MID1: variants seen among roughly 807,000 people sequenced by gnomAD.
MID1 encodes the protein E3 ubiquitin-protein ligase Midline-1.
A neutral mutation model predicts 40.4 loss-of-function variants in MID1; 7 were observed. The observed-to-expected ratio is 0.17, with a 90% CI of 0.10 to 0.33. The LOEUF is 0.33. Ranked by LOEUF, MID1 falls within the 10% of genes least tolerant of loss-of-function variation. The pLI, the probability that MID1 is intolerant of heterozygous loss-of-function variation, is 1.00. For synonymous variants in MID1, 229 were observed against 221.2 expected (o/e 1.04, Z -0.31); for missense variants, 367 against 558.5 (o/e 0.66, Z 3.46).
intron 1 of MID1, among the ~76,000 whole-genome samples, chrX:10,770,793 A>G: frequency 8.9e-6 from 1 of 112,007 alleles, no homozygotes; most frequent in Non-Finnish European, 1.9e-5. Flanking sequence ...GTGGCTCAGA[A>G]CTATCTTCCT....
chrX:10,654,389 G>T (rs187272552), intron 1 of MID1, among the ~76,000 whole-genome samples: 1 of 111,725 alleles, frequency 9.0e-6, no homozygotes, highest in African/African-American at 3.3e-5. Flanking sequence ...CCCTTTTGGC[G>T]CCAGGGACCG....
At chrX:10,533,478 A>AG (rs1414884908) in intron 2 of MID1, among the ~76,000 whole-genome samples, 1 of 109,536 alleles carries the variant, frequency 9.1e-6, no homozygotes, top group African/African-American at 3.3e-5. Context: ...ATGGTAAAAA[A>AG]AAAAAAACAG....
chrX:10,449,158 C>T lies in MID1; in HGVS notation c.*210G>A. Reference sequence around the variant, plus strand: ...TAATCTATAGATTTTCCTCTAAATACAAAAAAATTAAAGAAATTATTAAAG... The same window carrying T: ...TAATCTATAGATTTTCCTCTAAATATAAAAAAATTAAAGAAATTATTAAAG... On this transcript the variant is annotated 3_prime_UTR_variant, in exon 10 of 10. Coordinates refer to ENST00000317552, the MANE Select transcript of MID1 (RefSeq NM_000381.4). 1 of 362,123 alleles carries T rather than the reference C, an allele frequency of 2.8e-6. No individual in the cohort carries two copies. The highest frequency in any genetic ancestry group is 4.8e-6 in the Non-Finnish European group (1 of 209,722). The allele number at this position is 362,123 out of a possible 1,213,427, so 29.8% of individuals were successfully genotyped here.
At chrX:10,705,464 C>CA (rs887786258) in intron 1 of MID1, among the ~76,000 whole-genome samples, 3 of 112,106 alleles carry the variant, frequency 2.7e-5, no homozygotes, top group African/African-American at 9.7e-5. Context: ...CATTTTGTTT[C>CA]AAAAGTTCTA....
At chrX:10,491,876 A>G (rs1442977052) in intron 4 of MID1, among the ~76,000 whole-genome samples, 2 of 111,586 alleles carry the variant, frequency 1.8e-5, no homozygotes, top group African/African-American at 6.5e-5. Flanking sequence ...AGGTTTTCCT[A>G]TATACTTTCC....
intron 1 of MID1, among the ~76,000 whole-genome samples, chrX:10,719,035 T>C (rs2043327306): frequency 8.9e-6 from 1 of 111,879 alleles, no homozygotes; most frequent in Non-Finnish European, 1.9e-5. Context: ...TAGGTATTGA[T>C]GGGACGTATC....
chrX:10,483,536 A>G (rs1425663668), intron 4 of MID1, among the ~76,000 whole-genome samples: 6 of 112,251 alleles, frequency 5.3e-5, no homozygotes, highest in Non-Finnish European at 9.4e-5. Flanking sequence ...AGTTAAAATT[A>G]GACAGCTAAT....
intron 3 of MID1, among the ~76,000 whole-genome samples, chrX:10,497,299 C>T (rs774098870): frequency 1.1e-4 from 12 of 112,200 alleles, no homozygotes; most frequent in Non-Finnish European, 1.5e-4. Context: ...AGCTTCTTTG[C>T]TCGACCAAAC....
chrX:10,497,482 T>C (rs1296721884), intron 3 of MID1, among the ~76,000 whole-genome samples: 1 of 111,675 alleles, frequency 9.0e-6, no homozygotes, highest in Non-Finnish European at 1.9e-5. Flanking sequence ...TCTGATCAAC[T>C]TGGCCTACCT....
Position 10,459,390 on chromosome X carries a change from A to G in MID1, c.1447+256T>C, listed in dbSNP as rs1191811438. Among the ~76,000 whole-genome samples, 6 of 112,356 alleles carry G rather than the reference A, an allele frequency of 5.3e-5. No homozygotes were observed. The East Asian group carries it at 1.4e-3, about 26-fold the overall frequency. On this transcript the variant is annotated intron_variant, in intron 8 of 9. Transcript: ENST00000317552. ...GAATGCCTCCAGGAATATTTATTTA[A>G]AAAATGAGAAGACTCAATTTTTTAA...
At chrX:10,639,411 T>G (rs1304268321) in intron 1 of MID1, among the ~76,000 whole-genome samples, 1 of 111,783 alleles carries the variant, frequency 8.9e-6, no homozygotes, top group Non-Finnish European at 1.9e-5. Context: ...AGAAAGGGTA[T>G]CAGTGATTGA....
At chrX:10,463,526 G>A (rs1346987861) in intron 7 of MID1, among the ~76,000 whole-genome samples, 2 of 112,514 alleles carry the variant, frequency 1.8e-5, no homozygotes, top group Non-Finnish European at 3.8e-5. Context: ...ATCATTCAAG[G>A]AAAGCCTTTC....
Position 10,758,585 on chromosome X carries a change from G to A in MID1, c.-187+74969C>T, listed in dbSNP as rs1375202434. 3.0e-5 allele frequency among the ~76,000 whole-genome samples: 3 copies of A among 99,401 alleles called. No individual in the cohort carries two copies. The Admixed American group carries it at 3.4e-4, about 11-fold the overall frequency. 86.3% of individuals were successfully genotyped at this position (99,401 alleles called of 115,157 possible). On this transcript the variant is annotated intron_variant, in intron 1 of 10. Transcript: ENST00000380785. Reference sequence around the variant, plus strand: ...GGCTCACTGCAAGCTCCGCCTCCCAGGTTCATGCCATTCTCCTGCCTCAGC... The same window carrying A: ...GGCTCACTGCAAGCTCCGCCTCCCAAGTTCATGCCATTCTCCTGCCTCAGC...
intron 1 of MID1, among the ~76,000 whole-genome samples, chrX:10,736,546 C>T (rs1182193515): frequency 8.9e-6 from 1 of 112,039 alleles, no homozygotes; most frequent in African/African-American, 3.2e-5. Context: ...TTTTCAAGGT[C>T]ACTAGGCTGT....
chrX:10,683,958 CG>C (rs1412035740), intron 1 of MID1, among the ~76,000 whole-genome samples: 3 of 107,330 alleles, frequency 2.8e-5, no homozygotes, highest in Admixed American at 1.0e-4. Flanking sequence ...TTAGTAGAGA[CG>C]GGGTTTCACC....
At chrX:10,685,877 T>TACACACACAC (rs56245034) in intron 1 of MID1, among the ~76,000 whole-genome samples, 1,230 of 80,463 alleles carry the variant, frequency 0.015, 36 homozygotes, top group African/African-American at 0.052. Context: ...CACATACTCA[T>TACACACACAC]ACACACACAC....
At chrX:10,789,974 C>G (rs1402787356) in intron 1 of MID1, among the ~76,000 whole-genome samples, 1 of 111,052 alleles carries the variant, frequency 9.0e-6, no homozygotes, top group African/African-American at 3.3e-5. Flanking sequence ...CTACCTCATC[C>G]TCTCACCTTG....
intron 1 of MID1, among the ~76,000 whole-genome samples, chrX:10,777,740 C>T (rs1447937735): frequency 9.0e-6 from 1 of 111,013 alleles, no homozygotes; most frequent in East Asian, 2.8e-4. Context: ...GGGGTTTCAC[C>T]ATGTTGGTCA....
At chrX:10,672,102 A>G (rs187755112) in intron 1 of MID1, among the ~76,000 whole-genome samples, 86 of 110,289 alleles carry the variant, frequency 7.8e-4, no homozygotes, top group Admixed American at 5.6e-3. Flanking sequence ...GTGCATGCCT[A>G]TAGTCCCAGC....
Sources: gnomAD v4.1 joint callset for allele counts (sites outside exome capture counted in the v4.1 genomes callset) on GRCh38, gnomAD v4.1.1 for gene constraint, MANE v1.5 for transcripts, NCBI Gene and HGNC (gene_info 2026-07-23, HGNC 2026-07-21) for gene names.